The following RBFOX1 variants were observed in gnomAD, a reference collection of about 807,000 sequenced individuals.
The protein encoded by RBFOX1 is RNA binding protein fox-1 homolog 1.
RBFOX1 carries 8 observed loss-of-function variants against 57.7 expected under a neutral mutation model. The observed-to-expected ratio is 0.14, with a 90% CI of 0.08 to 0.25. The LOEUF is 0.25. Among genes scored for constraint, RBFOX1 ranks in the 10% least tolerant of loss-of-function variants. The pLI is 1.00. For missense variants in RBFOX1, 611 were observed against 548.5 expected (o/e 1.11, Z -1.14); for synonymous variants, 326 against 222.4 (o/e 1.47, Z -4.15).
intron 2 of RBFOX1, among the ~76,000 whole-genome samples, chr16:6,507,760 C>G (rs556448667): frequency 1.3e-3 from 204 of 151,862 alleles, no homozygotes; most frequent in African/African-American, 4.3e-3. Flanking sequence ...TATAAAGTAT[C>G]TAAAGTAGTC....
At chr16:7,138,129 G>T (rs141731171) in intron 4 of RBFOX1, among the ~76,000 whole-genome samples, 1 of 152,114 alleles carries the variant, frequency 6.6e-6, no homozygotes, top group Non-Finnish European at 1.5e-5. Flanking sequence ...TACAGAAAGC[G>T]CTGTTGACTC....
chr16:7,636,054 C>T (rs2061702627), intron 11 of RBFOX1, among the ~76,000 whole-genome samples: 2 of 152,248 alleles, frequency 1.3e-5, no homozygotes, highest in South Asian at 4.1e-4. Context: ...TCGTGATCCA[C>T]CCGCCTTGGC....
chr16:5,449,687 C>T (rs1476453620), intron 1 of RBFOX1, among the ~76,000 whole-genome samples: 2 of 152,212 alleles, frequency 1.3e-5, no homozygotes, highest in African/African-American at 2.4e-5. Context: ...CAGCTCACTG[C>T]AACCGCAAAC....
At chr16:5,703,611 G>T (rs1023783680) in intron 3 of RBFOX1, among the ~76,000 whole-genome samples, 2 of 152,230 alleles carry the variant, frequency 1.3e-5, no homozygotes, top group Admixed American at 6.5e-5. Flanking sequence ...AGACTCTGGA[G>T]TCAGGATGCT....
intron 3 of RBFOX1, among the ~76,000 whole-genome samples, chr16:7,039,162 T>C (rs1172512648): frequency 6.6e-6 from 1 of 152,234 alleles, no homozygotes; most frequent in Non-Finnish European, 1.5e-5. Flanking sequence ...CATAAAGTAT[T>C]CCCGAGGACT....
intron 2 of RBFOX1, among the ~76,000 whole-genome samples, chr16:5,482,254 A>T (rs1268562120): frequency 6.6e-6 from 1 of 152,140 alleles, no homozygotes; most frequent in African/African-American, 2.4e-5. Context: ...TTATTTCTCC[A>T]GTTGCAGATG....
chr16:7,265,573 C>G (rs1279226753), intron 4 of RBFOX1, among the ~76,000 whole-genome samples: 1 of 151,942 alleles, frequency 6.6e-6, no homozygotes, highest in African/African-American at 2.4e-5. Context: ...CTCAGCCTCC[C>G]GAGTAGCTAG....
At chr16:5,868,541 G>T (rs2057394731) in intron 4 of RBFOX1, among the ~76,000 whole-genome samples, 1 of 152,220 alleles carries the variant, frequency 6.6e-6, no homozygotes, top group South Asian at 2.1e-4. Flanking sequence ...CACCTAAGGG[G>T]AGATCATTAT....
At chr16:6,608,179 G>A (rs1405763739) in intron 2 of RBFOX1, among the ~76,000 whole-genome samples, 1 of 152,128 alleles carries the variant, frequency 6.6e-6, no homozygotes, top group African/African-American at 2.4e-5. Context: ...CCTATTTTGA[G>A]TCTGTATCCT....
chr16:7,089,360 G>A (rs546955020), intron 4 of RBFOX1, among the ~76,000 whole-genome samples: 1 of 152,264 alleles, frequency 6.6e-6, no homozygotes, highest in East Asian at 1.9e-4. Context: ...AGTGGAGGTT[G>A]AAGCAATTAA....
chr16:6,883,088 G>A (rs971958211), intron 3 of RBFOX1, among the ~76,000 whole-genome samples: 1 of 152,146 alleles, frequency 6.6e-6, no homozygotes, highest in African/African-American at 2.4e-5. Flanking sequence ...CATTATTAAT[G>A]ATGTAATTAG....
chr16:5,955,356 AAAAATAAAATAAAATAAAATAAAAT>A, intron 4 of RBFOX1, among the ~76,000 whole-genome samples: 1 of 27,222 alleles, frequency 3.7e-5, no homozygotes, highest in South Asian at 8.1e-4. Context: ...TAAAATAAAT[AAAAATAAAATAAAATAAAATAAAAT>A]AAAATAAAAT....
Position 6,135,777 on chromosome 16 carries a change from C to T in RBFOX1, c.-127+115785C>T, listed in dbSNP as rs115651635. 8.4e-3 allele frequency among the ~76,000 whole-genome samples: 1,180 copies of T among 139,856 alleles called. 19 individuals are homozygous for T. The highest frequency in any genetic ancestry group is 0.03 in the African/African-American group (1,128 of 37,580). The allele number at this position is 139,856 out of a possible 152,430, so 91.8% of individuals were successfully genotyped here. A position where few individuals can be genotyped will look rare whatever the true frequency, so the allele number is the denominator to read the frequency against. On this transcript the variant is annotated intron_variant, in intron 1 of 15. Transcript: ENST00000550418. Reference sequence around the variant, plus strand: ...CAGGGGAATTCCTGGAGATGGCACTCGTTTCGACTTTTTTTTTTTTTTTTT... The same window carrying T: ...CAGGGGAATTCCTGGAGATGGCACTTGTTTCGACTTTTTTTTTTTTTTTTT...
intron 2 of RBFOX1, among the ~76,000 whole-genome samples, chr16:6,347,158 C>G (rs1348892890): frequency 2.0e-5 from 3 of 152,114 alleles, no homozygotes; most frequent in African/African-American, 7.2e-5. Flanking sequence ...CTGGAATGGG[C>G]AATAAAGCCA....
chr16:7,219,342 G>A (rs1242058072), intron 4 of RBFOX1, among the ~76,000 whole-genome samples: 3 of 152,168 alleles, frequency 2.0e-5, no homozygotes, highest in African/African-American at 4.8e-5. Context: ...CTGCAAGATC[G>A]AGCTGAATAA....
intron 1 of RBFOX1, among the ~76,000 whole-genome samples, chr16:6,035,303 C>T (rs182551458): frequency 3.3e-5 from 5 of 152,306 alleles, no homozygotes. Flanking sequence ...TTCCATTCAG[C>T]CGTCTCAGCC....
At chr16:7,623,866 T>G (rs555792582) in intron 10 of RBFOX1, among the ~76,000 whole-genome samples, 1 of 152,156 alleles carries the variant, frequency 6.6e-6, no homozygotes, top group Non-Finnish European at 1.5e-5. Context: ...TCTTGTAAGA[T>G]CTGTCAGATT....
chr16:6,650,935 C>T (rs1409041660), intron 2 of RBFOX1, among the ~76,000 whole-genome samples: 2 of 152,144 alleles, frequency 1.3e-5, no homozygotes, highest in Admixed American at 6.5e-5. Context: ...CAGAGTCTCA[C>T]TTCGTTGCCC....
chr16:5,608,786 A>T (rs370508965), intron 3 of RBFOX1, among the ~76,000 whole-genome samples: 1 of 152,126 alleles, frequency 6.6e-6, no homozygotes, highest in East Asian at 1.9e-4. Flanking sequence ...GGCTTTCCTG[A>T]TGTAATCCAG....
Sources: gnomAD v4.1 joint callset for allele counts (sites outside exome capture counted in the v4.1 genomes callset) on GRCh38, gnomAD v4.1.1 for gene constraint, MANE v1.5 for transcripts, NCBI Gene and HGNC (gene_info 2026-07-23, HGNC 2026-07-21) for gene names.